Variants in ZGRF1 observed in about 807,000 individuals in gnomAD.
ZGRF1 encodes the protein zinc finger GRF-type containing 1, also known as 5'-3' DNA helicase ZGRF1.
A neutral mutation model predicts 203.5 loss-of-function variants in ZGRF1; 196 were observed. That is an observed-to-expected ratio of 0.96 (90% confidence interval 0.86 to 1.08). The LOEUF is 1.08. Among genes scored for constraint, ZGRF1 ranks in the 50% least tolerant of loss-of-function variants. The probability of loss-of-function intolerance (pLI) is 0.00; values close to 1 mark genes in which losing one functional copy is unlikely to be tolerated. For missense variants in ZGRF1, 2,326 were observed against 2,416.3 expected (o/e 0.96, Z 0.78); for synonymous variants, 809 against 841.3 (o/e 0.96, Z 0.66).
intron 13 of ZGRF1, among the ~76,000 whole-genome samples, chr4:112,586,008 C>G (rs901085648): frequency 1.3e-5 from 2 of 151,584 alleles, no homozygotes; most frequent in Non-Finnish European, 2.9e-5. Context: ...GAGGCCAAGG[C>G]GAGTAGATTG....
chr4:112,600,260 C>T (rs1489710001), intron 10 of ZGRF1, among the ~76,000 whole-genome samples: 1 of 152,110 alleles, frequency 6.6e-6, no homozygotes, highest in African/African-American at 2.4e-5. Context: ...TCTTGAATTC[C>T]TTGCCTTAAG....
At chr4:112,589,928 T>C in intron 10 of ZGRF1, 54 bp from the exon 11 acceptor site, 1 of 1,322,596 alleles carries the variant, frequency 7.6e-7, no homozygotes, top group Non-Finnish European at 1.0e-6. Flanking sequence ...ATTTTTTTCT[T>C]TAGTTTGAAT....
chr4:112,614,563 T>TC (rs1425334636), intron 6 of ZGRF1, among the ~76,000 whole-genome samples: 1 of 152,234 alleles, frequency 6.6e-6, no homozygotes, highest in East Asian at 1.9e-4. Flanking sequence ...GTACAGTGGC[T>TC]CACGCCTATA....
At position 112,558,741 on chromosome 4, in the gene ZGRF1, T is replaced by C. The variant is rs530683968; in HGVS notation, c.4961-432A>G. Among the ~76,000 whole-genome samples the C allele has an allele frequency of 3.9e-5, 6 of 152,316 alleles. No homozygotes were observed. In the East Asian group the frequency reaches 1.2e-3, roughly 29 times the overall value. The stretch of plus-strand genomic sequence containing the variant: ...AATTAATTAATGTCTTCAAAATACA[T>C]TGAGTGTTCACTATGTGCAAAGCAC... On this transcript the variant is annotated intron_variant, in intron 19 of 27. Coordinates refer to ENST00000505019, the MANE Select transcript of ZGRF1 (RefSeq NM_018392.5).
chr4:112,614,306 T>C (rs1304796557), intron 6 of ZGRF1, among the ~76,000 whole-genome samples: 5 of 152,238 alleles, frequency 3.3e-5, no homozygotes, highest in African/African-American at 1.2e-4. Flanking sequence ...GGATTCTGCC[T>C]ACTCCCTAAA....
At chr4:112,620,362 T>C (rs1289643243) in intron 4 of ZGRF1, among the ~76,000 whole-genome samples, 172 bp from the exon 5 acceptor site, 3 of 152,208 alleles carry the variant, frequency 2.0e-5, no homozygotes, top group Admixed American at 1.3e-4. Flanking sequence ...TAACTATCAA[T>C]AAGCACAAAA....
chr4:112,609,485 A>T, intron 7 of ZGRF1, 56 bp from the exon 8 acceptor site: 1 of 987,922 alleles, frequency 1.0e-6, no homozygotes, highest in Non-Finnish European at 1.5e-6. Flanking sequence ...AATTTAGAAA[A>T]CAAAAATATA....
intron 15 of ZGRF1, among the ~76,000 whole-genome samples, chr4:112,582,085 A>G: frequency 6.6e-6 from 1 of 152,216 alleles, no homozygotes; most frequent in Admixed American, 6.5e-5. Flanking sequence ...GGTATATAAT[A>G]GTTACACATA....
chr4:112,584,196 C>G lies in ZGRF1; in HGVS notation c.4102-22G>C, dbSNP rs777202645. ...GACCCTAAGGGGAAAGAAAAAAGAT[C>G]AACATTTAGTGAAAAAAATGCTTTT... On this transcript the variant is annotated intron_variant, in intron 14 of 27. Transcript: ENST00000505019. 3.4e-6 allele frequency: 5 copies of G among 1,489,938 alleles called. No individual in the cohort carries two copies. The Admixed American group carries it at 7.1e-5, about 21-fold the overall frequency. 92.3% of individuals were successfully genotyped at this position (1,489,938 alleles called of 1,614,324 possible). A position where few individuals can be genotyped will look rare whatever the true frequency, so the allele number is the denominator to read the frequency against.
At chr4:112,571,499 A>G (rs914270248) in intron 16 of ZGRF1, among the ~76,000 whole-genome samples, 1 of 152,248 alleles carries the variant, frequency 6.6e-6, no homozygotes, top group Non-Finnish European at 1.5e-5. Context: ...ATAAGATGTT[A>G]CAAACAATTT....
At chr4:112,597,466 G>A (rs1454734690) in intron 10 of ZGRF1, among the ~76,000 whole-genome samples, 3 of 152,056 alleles carry the variant, frequency 2.0e-5, no homozygotes, top group Non-Finnish European at 4.4e-5. Flanking sequence ...TGAGGCTACA[G>A]TGAGTTATAA....
At chr4:112,554,069 ATACTT>A (rs921441928) in intron 21 of ZGRF1, 87 bp from the exon 22 acceptor site, 12 of 1,242,530 alleles carry the variant, frequency 9.7e-6, no homozygotes, top group Non-Finnish European at 1.2e-5. Context: ...TTTTTTTATT[ATACTT>A]TAAGTTTTAG....
chr4:112,560,184 A>AC (rs1741696493), intron 19 of ZGRF1, among the ~76,000 whole-genome samples: 1 of 152,196 alleles, frequency 6.6e-6, no homozygotes, highest in East Asian at 1.9e-4. Flanking sequence ...AGATAGAACT[A>AC]TTTACTGTAA....
intron 10 of ZGRF1, among the ~76,000 whole-genome samples, chr4:112,599,716 T>C (rs1749629125): frequency 6.6e-6 from 1 of 151,910 alleles, no homozygotes; most frequent in Admixed American, 6.6e-5. Context: ...AGTGAGATTC[T>C]GTTTAAAAAA....
chr4:112,626,985 T>C (rs552250586), intron 3 of ZGRF1, among the ~76,000 whole-genome samples: 2 of 152,192 alleles, frequency 1.3e-5, no homozygotes, highest in East Asian at 3.9e-4. Context: ...TTTATATTTT[T>C]AGTAGAGACG....
chr4:112,582,107 C>T (rs1746366652), intron 15 of ZGRF1, among the ~76,000 whole-genome samples: 2 of 152,078 alleles, frequency 1.3e-5, no homozygotes, highest in Admixed American at 6.6e-5. Context: ...TTTGGGAGTA[C>T]ATGTGATATC....
rs369347551 is a variant in ZGRF1 at position 112,618,183 on chromosome 4, C to T, written c.1859G>A (p.Gly620Asp). 1.9e-6 allele frequency: 3 copies of T among 1,613,582 alleles called. No individual in the cohort carries two copies. The African/African-American group carries it at 4.0e-5, about 22-fold the overall frequency. Residue 620 changes from glycine to aspartate, a missense_variant, in exon 6 of 28, where the codon GGT becomes GAT. By Grantham distance (94) the Gly-to-Asp change is moderately conservative. Coordinates refer to ENST00000505019, the MANE Select transcript of ZGRF1 (RefSeq NM_018392.5). Reference protein sequence around the residue: ...PSQFCDKTYVGFDMGICKTEN... With the variant: ...PSQFCDKTYVDFDMGICKTEN... ...AGTTTTACATATTCCCATGTCAAAA[C>T]CCACATAAGTTTTATCACAAAACTG...
In ZGRF1 at chr4:112,560,904, G is replaced by C. The variant is rs774975984; in HGVS notation, c.4789C>G (p.Leu1597Val). ...FTNVSTKFEL[L>V]SLGATLKLAS... ...AACTTCAATGTTGCTCCTAGGCTGA[G>C]TAGTTCAAATTTTGTACTGACATTT... The change falls in exon 19 of 28, where the codon CTC becomes GTC. Residue 1597 changes from leucine to valine, a missense_variant. Transcript: ENST00000505019. 6.2e-7 allele frequency: 1 copy of C among 1,613,494 alleles called. No individual in the cohort carries two copies. Among genetic ancestry groups the C allele is most frequent in the South Asian group, 1.1e-5 (1 of 91,060 alleles).
chr4:112,606,184 T>C (rs1750745943), intron 8 of ZGRF1, 93 bp from the exon 9 acceptor site: 1 of 831,562 alleles, frequency 1.2e-6, no homozygotes. Context: ...AAAACTTAAG[T>C]TTGCCCTGTG....
Sources: allele counts gnomAD v4.1 joint callset (sites outside exome capture counted in the v4.1 genomes callset), GRCh38; gene constraint gnomAD v4.1.1; transcripts MANE v1.5; gene names NCBI Gene and HGNC (gene_info 2026-07-23, HGNC 2026-07-21).